Variants in RYR3 observed in about 807,000 individuals in gnomAD.
RYR3 encodes the protein ryanodine receptor 3.
Under a neutral mutation model 584.3 loss-of-function variants are expected in RYR3, and 207 were observed. That is an observed-to-expected ratio of 0.35 (90% confidence interval 0.32 to 0.40). The LOEUF (loss-of-function observed/expected upper bound fraction) is 0.40. RYR3 is among the 10% of genes least tolerant of loss of function. The pLI is 1.00. For missense variants in RYR3, 5,616 were observed against 6,089.2 expected (o/e 0.92, Z 2.59); for synonymous variants, 2,416 against 2,248.5 (o/e 1.07, Z -2.11).
Position 33,649,059 on chromosome 15 carries a change from G to C in RYR3, c.3979-13G>C, listed in dbSNP as rs767261715. The stretch of plus-strand genomic sequence containing the variant: ...CTGGGGGCCATTGACTCCCCTCTGC[G>C]GTCTCTCCACAGCAGTGCTACTACG... On this transcript the variant is annotated splice_polypyrimidine_tract_variant and intron_variant, in intron 30 of 103. Coordinates refer to ENST00000634891, the MANE Select transcript of RYR3 (RefSeq NM_001036.6). 50 of 1,602,586 alleles carry C rather than the reference G, an allele frequency of 3.1e-5. No individual in the cohort carries two copies. Among genetic ancestry groups the C allele is most frequent in the Non-Finnish European group, 2.6e-6 (3 of 1,172,170 alleles).
chr15:33,511,605 T>TG (rs561000642), intron 3 of RYR3, among the ~76,000 whole-genome samples: 47,450 of 149,840 alleles, frequency 0.32, 8,061 homozygotes, highest in African/African-American at 0.39. Flanking sequence ...GTCTCTGCAA[T>TG]TAAAAAAAAA....
At chr15:33,676,878 G>T (rs1005036807) in intron 38 of RYR3, among the ~76,000 whole-genome samples, 2 of 152,164 alleles carry the variant, frequency 1.3e-5, no homozygotes, top group African/African-American at 4.8e-5. Flanking sequence ...ATCAATCATT[G>T]TCAGGCCCTC....
intron 35 of RYR3, 129 bp from the exon 36 acceptor site, chr15:33,663,408 T>C: frequency 2.7e-6 from 2 of 741,160 alleles, no homozygotes; most frequent in East Asian, 2.7e-5. Context: ...AAGATTTGAG[T>C]AACAGCTTTA....
chr15:33,696,192 C>A (rs373406194), intron 38 of RYR3, 26 bp from the exon 39 acceptor site: 5 of 1,605,354 alleles, frequency 3.1e-6, no homozygotes, highest in South Asian at 1.1e-5. Context: ...CAGCCACAGT[C>A]CTGCTCCCTC....
At position 33,635,644 on chromosome 15, in the gene RYR3, A is replaced by G. The variant is rs1272965489; in HGVS notation, c.3206A>G (p.Asp1069Gly). ...TCGGCTGTGGAGAAGGTCAGCATAG[A>G]CAAGATCCGATTTTTCCGGGTAGAG... is the stretch of plus-strand genomic sequence containing the variant. ...ADSAVEKVSI[D>G]KIRFFRVERS... Residue 1069 changes from aspartate to glycine, a missense_variant, in exon 26 of 104, where the codon GAC (aspartate) becomes GGC (glycine). This residue lies in a region of RYR3 where 1,284 missense variants were observed against 1,344.6 expected (regional missense o/e 0.95). Transcript: ENST00000634891. The G allele has an allele frequency of 1.2e-6, 2 of 1,613,934 alleles. No homozygotes were observed. The highest frequency in any genetic ancestry group is 2.2e-5 in the East Asian group (1 of 44,866).
chr15:33,691,916 A>G (rs1187214036), intron 38 of RYR3, among the ~76,000 whole-genome samples: 2 of 152,240 alleles, frequency 1.3e-5, no homozygotes, highest in Non-Finnish European at 2.9e-5. Flanking sequence ...CATCAGTGCA[A>G]TTATCAACAC....
chr15:33,385,269 T>C (rs2041505947), intron 1 of RYR3, among the ~76,000 whole-genome samples: 1 of 152,252 alleles, frequency 6.6e-6, no homozygotes, highest in African/African-American at 2.4e-5. Flanking sequence ...AGCCAGATAC[T>C]ATCCCCTTGT....
chr15:33,475,161 G>A (rs766818379), intron 2 of RYR3, among the ~76,000 whole-genome samples: 7 of 152,154 alleles, frequency 4.6e-5, no homozygotes, highest in East Asian at 1.9e-4. Flanking sequence ...TCATGTGACC[G>A]TGGGACAAGT....
chr15:33,750,239 A>C lies in RYR3; in HGVS notation c.8352A>C (p.Ala2784=), dbSNP rs896103641. 6.2e-7 allele frequency: 1 copy of C among 1,610,442 alleles called. No individual in the cohort carries two copies. Among genetic ancestry groups the C allele is most frequent in the Admixed American group, 1.7e-5 (1 of 59,632 alleles). The change falls in exon 57 of 104, where the codon GCA becomes GCC. Residue 2784 remains alanine, a synonymous_variant. Transcript: ENST00000634891. The part of the protein sequence containing the change: ...AKEKFKDREK[A]QDLFKFLQVN... The stretch of plus-strand genomic sequence containing the variant: ...AAAAGTTCAAGGACCGGGAGAAGGC[A>C]CAGGACCTGTTTAAGTTCCTCCAAG...
At chr15:33,382,455 C>T (rs986263185) in intron 1 of RYR3, among the ~76,000 whole-genome samples, 4 of 150,230 alleles carry the variant, frequency 2.7e-5, no homozygotes, top group Non-Finnish European at 5.9e-5. Context: ...TCTTGAGTAG[C>T]TGGGACTTCA....
intron 1 of RYR3, among the ~76,000 whole-genome samples, chr15:33,399,433 G>A (rs375927013): frequency 1.6e-4 from 24 of 152,248 alleles, no homozygotes; most frequent in African/African-American, 5.8e-4. Flanking sequence ...GAGGTCAGGA[G>A]TTCGAGACCA....
At chr15:33,730,487 A>G (rs1321092432) in intron 47 of RYR3, among the ~76,000 whole-genome samples, 4 of 152,250 alleles carry the variant, frequency 2.6e-5, no homozygotes, top group African/African-American at 7.2e-5. Context: ...TTCTCCCAGC[A>G]TGATTACTGA....
intron 27 of RYR3, among the ~76,000 whole-genome samples, chr15:33,637,637 C>T (rs915220157): frequency 6.6e-6 from 1 of 152,194 alleles, no homozygotes; most frequent in Admixed American, 6.5e-5. Flanking sequence ...AAAGCTAAAA[C>T]AATACAACTG....
chr15:33,792,481 G>A (rs1354649376), intron 67 of RYR3, among the ~76,000 whole-genome samples: 1 of 152,096 alleles, frequency 6.6e-6, no homozygotes, highest in African/African-American at 2.4e-5. Flanking sequence ...CTGGGGTGGT[G>A]GCCATATGCT....
intron 1 of RYR3, among the ~76,000 whole-genome samples, chr15:33,454,224 C>T (rs1263002470): frequency 6.6e-6 from 1 of 152,222 alleles, no homozygotes; most frequent in Admixed American, 6.5e-5. Context: ...GGACTAACGG[C>T]ACTCTGACTG....
At chr15:33,316,462 A>G (rs981472099) in intron 1 of RYR3, among the ~76,000 whole-genome samples, 6 of 152,182 alleles carry the variant, frequency 3.9e-5, no homozygotes, top group Non-Finnish European at 7.3e-5. Flanking sequence ...AGTTCATATC[A>G]GTATAAACCT....
chr15:33,406,188 G>A (rs2043006493), intron 1 of RYR3, among the ~76,000 whole-genome samples: 1 of 152,196 alleles, frequency 6.6e-6, no homozygotes, highest in Non-Finnish European at 1.5e-5. Context: ...TCTGTGCTTT[G>A]TCATGGGTAC....
chr15:33,725,154 TACACACACACACACACACACAC>T (rs58951939), intron 45 of RYR3, among the ~76,000 whole-genome samples: 42 of 113,846 alleles, frequency 3.7e-4, no homozygotes, highest in Admixed American at 5.3e-4. Flanking sequence ...TCCAACACCT[TACACACACACACACACACACAC>T]ACACACACAC....
rs760254954 is a variant in RYR3, at chr15:33,746,109, T to C, written c.7941T>C (p.Asn2647=). Residue 2647 remains asparagine, a synonymous_variant, in exon 53 of 104, where the codon AAT becomes AAC. Coordinates refer to ENST00000634891, the MANE Select transcript of RYR3 (RefSeq NM_001036.6). The part of the protein sequence containing the change: ...GWKYGISLDE[N]VKTHPLIRPF... ...AATATGGGATTTCCCTGGATGAAAATGTGAAGACCCACCCACTGATAAGGC... is the reference window on the plus strand; with the variant it reads ...AATATGGGATTTCCCTGGATGAAAACGTGAAGACCCACCCACTGATAAGGC... 9 of 1,601,398 alleles carry C rather than the reference T, an allele frequency of 5.6e-6. No homozygotes were observed. In the Admixed American group the frequency reaches 1.2e-4, roughly 21 times the overall value.
Sources: allele counts gnomAD v4.1 joint callset (sites outside exome capture counted in the v4.1 genomes callset), GRCh38; gene constraint gnomAD v4.1.1; regional missense constraint gnomAD v4.1.1; transcripts MANE v1.5; gene names NCBI Gene and HGNC (gene_info 2026-07-23, HGNC 2026-07-21).